SLC14A2: variants seen among roughly 807,000 people sequenced by gnomAD.
The protein encoded by SLC14A2 is urea transporter 2.
Under a neutral mutation model 104.6 loss-of-function variants are expected in SLC14A2, and 91 were observed. That is an observed-to-expected ratio of 0.87 (90% CI 0.73 to 1.04). The LOEUF (loss-of-function observed/expected upper bound fraction) is 1.04. SLC14A2 is among the 50% of genes least tolerant of loss of function. The pLI is 0.00. For missense variants in SLC14A2, 1,189 were observed against 1,156.0 expected (o/e 1.03, Z -0.41); for synonymous variants, 476 against 466.4 (o/e 1.02, Z -0.27).
At chr18:45,269,135 T>C (rs992412566) in intron 1 of SLC14A2, among the ~76,000 whole-genome samples, 4 of 152,180 alleles carry the variant, frequency 2.6e-5, no homozygotes, top group African/African-American at 9.6e-5. Context: ...GAGAATGACC[T>C]GGACCTCTCA....
intron 2 of SLC14A2, among the ~76,000 whole-genome samples, chr18:45,539,911 TA>T (rs1214163202): frequency 2.7e-5 from 4 of 150,436 alleles, no homozygotes; most frequent in Non-Finnish European, 5.9e-5. Context: ...AAAAAAAATT[TA>T]AAAAAAACAG....
chr18:45,347,004 TAAATAAAC>T (rs748800889), intron 1 of SLC14A2, among the ~76,000 whole-genome samples: 10,296 of 144,008 alleles, frequency 0.071, 445 homozygotes, highest in African/African-American at 0.12. Flanking sequence ...AATAAATAAA[TAAATAAAC>T]AAACAAACAA....
intron 1 of SLC14A2, among the ~76,000 whole-genome samples, chr18:45,386,472 A>G (rs1325274071): frequency 6.6e-6 from 1 of 152,102 alleles, no homozygotes; most frequent in African/African-American, 2.4e-5. Flanking sequence ...GCGCCCCCTA[A>G]TGGACCCAAG....
rs559171598 is a variant in SLC14A2, at chr18:45,390,903, A to G, written c.-124-92330A>G. On this transcript the variant is annotated intron_variant, in intron 1 of 20. Coordinates refer to the SLC14A2 transcript ENST00000586448. The stretch of plus-strand genomic sequence containing the variant: ...ACATTTATTTTAATACAGACACATC[A>G]TTTTCACTGTAAGTATTTATGATGT... Among the ~76,000 whole-genome samples, 9 of 152,206 alleles carry G rather than the reference A, an allele frequency of 5.9e-5. No homozygotes were observed. In the South Asian group the frequency reaches 1.9e-3, roughly 32 times the overall value.
chr18:45,387,136 T>C (rs533850065), intron 1 of SLC14A2, among the ~76,000 whole-genome samples: 3 of 152,332 alleles, frequency 2.0e-5, no homozygotes, highest in South Asian at 4.1e-4. Context: ...TCTCTCTCCA[T>C]AAGAATTTTG....
intron 2 of SLC14A2, among the ~76,000 whole-genome samples, chr18:45,545,860 T>A (rs910408034): frequency 1.3e-5 from 2 of 152,252 alleles, no homozygotes; most frequent in Admixed American, 6.5e-5. Context: ...GAGATTTATA[T>A]ATTTTTTCTT....
chr18:45,191,913 A>G, the SLC14A2 span, among the ~76,000 whole-genome samples: 1 of 152,210 alleles, frequency 6.6e-6, no homozygotes, highest in Admixed American at 6.5e-5. Context: ...TCCTAAGAGG[A>G]GTTAGGACAG....
At chr18:45,662,247 A>C (rs1344598041) in intron 10 of SLC14A2, among the ~76,000 whole-genome samples, 1 of 152,160 alleles carries the variant, frequency 6.6e-6, no homozygotes, top group African/African-American at 2.4e-5. Context: ...GGTTGTAATG[A>C]GCTGAGATTG....
chr18:45,263,174 T>C (rs2084556955), intron 1 of SLC14A2, among the ~76,000 whole-genome samples: 1 of 152,224 alleles, frequency 6.6e-6, no homozygotes, highest in Admixed American at 6.5e-5. Flanking sequence ...TTTCCTCGTC[T>C]TTCATGACCT....
upstream of SLC14A2, among the ~76,000 whole-genome samples, chr18:45,611,849 T>C (rs967379310): frequency 3.3e-5 from 5 of 152,178 alleles, no homozygotes; most frequent in Admixed American, 6.5e-5. Flanking sequence ...CATCATGAGA[T>C]TGATTGAGGA....
chr18:45,471,586 T>C (rs1041076167), intron 1 of SLC14A2, among the ~76,000 whole-genome samples: 8 of 152,134 alleles, frequency 5.3e-5, no homozygotes, highest in Non-Finnish European at 1.2e-4. Context: ...TTCTATCATG[T>C]TCTTTCTTAT....
intron 2 of SLC14A2, among the ~76,000 whole-genome samples, chr18:45,536,068 A>G (rs1044259781): frequency 6.6e-6 from 1 of 152,216 alleles, no homozygotes; most frequent in African/African-American, 2.4e-5. Context: ...AGGGATATGA[A>G]GAACATTGAC....
At chr18:45,331,648 A>ATG (rs2085292090) in intron 1 of SLC14A2, among the ~76,000 whole-genome samples, 2 of 151,214 alleles carry the variant, frequency 1.3e-5, no homozygotes, top group Non-Finnish European at 2.9e-5. Flanking sequence ...CCGAGATCGC[A>ATG]CCACTGCACT....
intron 1 of SLC14A2, among the ~76,000 whole-genome samples, chr18:45,456,149 C>G (rs531709711): frequency 7.9e-4 from 120 of 152,250 alleles, no homozygotes; most frequent in Middle Eastern, 3.4e-3. Context: ...TCCCTCCCAG[C>G]TGTGACGATC....
intron 2 of SLC14A2, among the ~76,000 whole-genome samples, chr18:45,543,496 G>A (rs373261021): frequency 6.6e-6 from 1 of 152,132 alleles, no homozygotes; most frequent in African/African-American, 2.4e-5. Context: ...GGCCTAAATT[G>A]TCTTGCTTAC....
At chr18:45,310,002 G>T (rs1467788956) in intron 1 of SLC14A2, among the ~76,000 whole-genome samples, 5 of 151,444 alleles carry the variant, frequency 3.3e-5, no homozygotes, top group Non-Finnish European at 5.9e-5. Flanking sequence ...TCACTCAACA[G>T]ATTGGTTTTG....
At chr18:45,392,913 C>T (rs1012642600) in intron 1 of SLC14A2, among the ~76,000 whole-genome samples, 1 of 152,212 alleles carries the variant, frequency 6.6e-6, no homozygotes, top group Non-Finnish European at 1.5e-5. Context: ...ACTGGACTCC[C>T]TGTCCACTCT....
intron 1 of SLC14A2, among the ~76,000 whole-genome samples, chr18:45,259,029 G>T (rs78655931): frequency 6.6e-6 from 1 of 152,182 alleles, no homozygotes. Flanking sequence ...ACACTCACAC[G>T]TGGATTTCCC....
chr18:45,274,939 G>T (rs2084687365), intron 1 of SLC14A2, among the ~76,000 whole-genome samples: 1 of 152,164 alleles, frequency 6.6e-6, no homozygotes, highest in Non-Finnish European at 1.5e-5. Flanking sequence ...GCATTTGAAG[G>T]TCTCTTCCAG....
Sources: gnomAD v4.1 joint callset for allele counts (sites outside exome capture counted in the v4.1 genomes callset) on GRCh38, gnomAD v4.1.1 for gene constraint, MANE v1.5 for transcripts, NCBI Gene and HGNC (gene_info 2026-07-23, HGNC 2026-07-21) for gene names.